ATRNL1: variants seen among roughly 807,000 people sequenced by gnomAD.
ATRNL1 encodes the protein attractin-like protein 1.
In ATRNL1, 95 loss-of-function variants were observed where a neutral mutation model predicts 182.7. That is an observed-to-expected ratio of 0.52 (90% CI 0.44 to 0.62). ATRNL1 has a LOEUF of 0.62. Among genes scored for constraint, ATRNL1 ranks in the 20% least tolerant of loss-of-function variants. The pLI is 0.00. For missense variants in ATRNL1, 1,471 were observed against 1,679.5 expected (o/e 0.88, Z 2.17); for synonymous variants, 576 against 568.3 (o/e 1.01, Z -0.19).
At chr10:115,569,929 C>A (rs1322078813) in intron 26 of ATRNL1, among the ~76,000 whole-genome samples, 1 of 152,004 alleles carries the variant, frequency 6.6e-6, no homozygotes, top group Non-Finnish European at 1.5e-5. Context: ...TGGTGTCTGG[C>A]GAGGGGCTAT....
chr10:115,285,579 A>G (rs546137979), intron 14 of ATRNL1, among the ~76,000 whole-genome samples: 4 of 152,100 alleles, frequency 2.6e-5, no homozygotes, highest in African/African-American at 7.2e-5. Flanking sequence ...TTCAATTTGG[A>G]TTCTATAGAT....
At chr10:115,521,359 G>C (rs1172855341) in intron 25 of ATRNL1, among the ~76,000 whole-genome samples, 3 of 152,034 alleles carry the variant, frequency 2.0e-5, no homozygotes, top group African/African-American at 7.2e-5. Flanking sequence ...CACCACATTG[G>C]CCAGGGTGGT....
At chr10:115,892,639 G>C (rs1195462757) in intron 28 of ATRNL1, among the ~76,000 whole-genome samples, 1 of 152,144 alleles carries the variant, frequency 6.6e-6, no homozygotes, top group Non-Finnish European at 1.5e-5. Context: ...GAGGGCCTGA[G>C]TTTCCTCAAG....
chr10:115,127,806 T>A, intron 4 of ATRNL1, 85 bp downstream of exon 4: 2 of 950,524 alleles, frequency 2.1e-6, no homozygotes, highest in Non-Finnish European at 2.9e-6. Flanking sequence ...TTTATTAATG[T>A]CTTGTATACC....
intron 26 of ATRNL1, among the ~76,000 whole-genome samples, chr10:115,685,377 C>A (rs1401975229): frequency 6.6e-6 from 1 of 151,660 alleles, no homozygotes; most frequent in Non-Finnish European, 1.5e-5. Flanking sequence ...ATCATCTATA[C>A]AATGGAGATA....
chr10:115,479,349 T>C (rs891375216), intron 24 of ATRNL1, among the ~76,000 whole-genome samples: 1 of 151,480 alleles, frequency 6.6e-6, no homozygotes, highest in Non-Finnish European at 1.5e-5. Context: ...CTTACTAGAG[T>C]AGGAAATTTT....
intron 19 of ATRNL1, among the ~76,000 whole-genome samples, chr10:115,382,075 G>T (rs1405966981): frequency 6.6e-6 from 1 of 152,068 alleles, no homozygotes; most frequent in Non-Finnish European, 1.5e-5. Flanking sequence ...ATTTATACCA[G>T]TATTATGTAG....
intron 24 of ATRNL1, among the ~76,000 whole-genome samples, chr10:115,511,098 A>G (rs1402190536): frequency 6.6e-6 from 1 of 151,922 alleles, no homozygotes; most frequent in East Asian, 1.9e-4. Context: ...TTTATTCCTC[A>G]TGTTTTATTC....
chr10:115,435,629 A>G (rs1846371695), intron 21 of ATRNL1, among the ~76,000 whole-genome samples: 1 of 152,170 alleles, frequency 6.6e-6, no homozygotes, highest in South Asian at 2.1e-4. Flanking sequence ...TTGTTCTTAG[A>G]TATCTCAAAC....
intron 26 of ATRNL1, among the ~76,000 whole-genome samples, chr10:115,562,772 T>C (rs1592856648): frequency 6.6e-6 from 1 of 152,150 alleles, no homozygotes; most frequent in Non-Finnish European, 1.5e-5. Context: ...TGCTGAGTCC[T>C]CCCAGCCATG....
intron 26 of ATRNL1, among the ~76,000 whole-genome samples, chr10:115,586,267 G>C (rs61882982): frequency 2.4e-5 from 1 of 41,326 alleles, no homozygotes; most frequent in African/African-American, 4.8e-5. Flanking sequence ...TCTTTGTGGC[G>C]TTCTCTGTAT....
intron 28 of ATRNL1, among the ~76,000 whole-genome samples, chr10:115,922,929 G>GTA (rs1953110748): frequency 6.6e-6 from 1 of 152,122 alleles, no homozygotes; most frequent in South Asian, 2.1e-4. Flanking sequence ...TGCATGGTGA[G>GTA]GTAGTAGATG....
At chr10:115,192,689 A>G (rs1332258093) in intron 8 of ATRNL1, among the ~76,000 whole-genome samples, 2 of 149,890 alleles carry the variant, frequency 1.3e-5, no homozygotes, top group Non-Finnish European at 2.9e-5. Context: ...TAGTTTGGAC[A>G]TTTTAACAAT....
At chr10:115,635,433 A>G (rs2769420) in intron 26 of ATRNL1, among the ~76,000 whole-genome samples, 70,145 of 151,986 alleles carry the variant, frequency 0.46, 17,884 homozygotes, top group East Asian at 0.84. Flanking sequence ...TAAAACTACA[A>G]TGAGATACCA....
At chr10:115,157,278 A>G (rs114203343) in intron 5 of ATRNL1, among the ~76,000 whole-genome samples, 1 of 152,116 alleles carries the variant, frequency 6.6e-6, no homozygotes, top group African/African-American at 2.4e-5. Context: ...TTAAGTGTAG[A>G]TATTAGTATT....
intron 20 of ATRNL1, among the ~76,000 whole-genome samples, chr10:115,401,100 C>T (rs1321731064): frequency 6.6e-6 from 1 of 151,146 alleles, no homozygotes; most frequent in Admixed American, 6.6e-5. Context: ...GGAATAGCAC[C>T]CCCTAGAACT....
chr10:115,369,250 TA>T (rs573395196), intron 19 of ATRNL1, among the ~76,000 whole-genome samples: 51 of 138,110 alleles, frequency 3.7e-4, no homozygotes, highest in African/African-American at 1.4e-3. Context: ...GTGATGAGGA[TA>T]GGGGTTGTGT....
intron 27 of ATRNL1, among the ~76,000 whole-genome samples, chr10:115,822,004 T>C (rs1589556736): frequency 6.6e-6 from 1 of 152,144 alleles, no homozygotes; most frequent in South Asian, 2.1e-4. Flanking sequence ...ATCACACTTA[T>C]TCTAAAGTTG....
chr10:115,603,462 C>G (rs1194878406), intron 26 of ATRNL1, among the ~76,000 whole-genome samples: 6 of 152,128 alleles, frequency 3.9e-5, no homozygotes, highest in Non-Finnish European at 7.4e-5. Flanking sequence ...GACGATGCTC[C>G]TAGTACCCAT....
Sources: allele counts gnomAD v4.1 joint callset (sites outside exome capture counted in the v4.1 genomes callset), GRCh38; gene constraint gnomAD v4.1.1; transcripts MANE v1.5; gene names NCBI Gene and HGNC (gene_info 2026-07-23, HGNC 2026-07-21).